FIG4: variants seen among roughly 807,000 people sequenced by gnomAD.
FIG4 encodes polyphosphoinositide phosphatase.
FIG4 carries 112 observed loss-of-function variants against 118.6 expected under a neutral mutation model. The ratio of observed to expected loss-of-function variants is 0.94; its 90% CI spans 0.81 to 1.11. The LOEUF (loss-of-function observed/expected upper bound fraction) is 1.11, where lower values mean the gene tolerates loss of function less well. Among genes scored for constraint, FIG4 ranks in the 50% least tolerant of loss-of-function variants. FIG4 has a pLI of 0.00. For missense variants in FIG4, 969 were observed against 1,111.7 expected (o/e 0.87, Z 1.83); for synonymous variants, 369 against 381.2 (o/e 0.97, Z 0.37).
At chr6:109,772,388 C>T (rs1000287981) in intron 15 of FIG4, among the ~76,000 whole-genome samples, 4 of 152,182 alleles carry the variant, frequency 2.6e-5, no homozygotes, top group Non-Finnish European at 5.9e-5. Flanking sequence ...ACTTTAACTT[C>T]TCATGAACTC....
chr6:109,770,243 T>G (rs955953689), intron 15 of FIG4, among the ~76,000 whole-genome samples: 1 of 152,132 alleles, frequency 6.6e-6, no homozygotes, highest in African/African-American at 2.4e-5. Flanking sequence ...TAAATGCAAA[T>G]TTTTAAGCCT....
intron 3 of FIG4, among the ~76,000 whole-genome samples, chr6:109,717,373 AACTC>A (rs1775466530): frequency 6.6e-6 from 1 of 152,158 alleles, no homozygotes; most frequent in Non-Finnish European, 1.5e-5. Context: ...ATTCTGTAAT[AACTC>A]CTTTACTTTA....
chr6:109,751,386 G>A (rs1409171347), intron 10 of FIG4, among the ~76,000 whole-genome samples: 1 of 152,054 alleles, frequency 6.6e-6, no homozygotes, highest in Non-Finnish European at 1.5e-5. Flanking sequence ...TTTTTTTGTT[G>A]TGTCTCTGCC....
intron 2 of FIG4, 61 bp from the exon 3 acceptor site, chr6:109,716,384 C>G: frequency 6.3e-7 from 1 of 1,585,486 alleles, no homozygotes; most frequent in African/African-American, 1.3e-5. Flanking sequence ...CTTTCAGGCA[C>G]AAATAATAAA....
intron 3 of FIG4, 65 bp from the exon 4 acceptor site, chr6:109,727,044 A>T: frequency 8.2e-7 from 1 of 1,215,252 alleles, no homozygotes; most frequent in Non-Finnish European, 1.2e-6. Context: ...TGGCCTTTTA[A>T]ATAGGCATCT....
chr6:109,703,851 G>A (rs1175081256), intron 1 of FIG4, among the ~76,000 whole-genome samples: 1 of 152,110 alleles, frequency 6.6e-6, no homozygotes, highest in African/African-American at 2.4e-5. Flanking sequence ...CTCGTGCTGG[G>A]GTTTTCTCAT....
At chr6:109,796,202 G>GA (rs1245433834) in intron 21 of FIG4, among the ~76,000 whole-genome samples, 2 of 152,352 alleles carry the variant, frequency 1.3e-5, no homozygotes, top group Non-Finnish European at 2.9e-5. Context: ...AACCTTGGTT[G>GA]AAAGTGTTCC....
At chr6:109,783,131 G>C (rs1055794748) in intron 16 of FIG4, among the ~76,000 whole-genome samples, 6 of 152,198 alleles carry the variant, frequency 3.9e-5, no homozygotes, top group African/African-American at 1.4e-4. Flanking sequence ...AGGGTGGAAG[G>C]GAGAGCATCA....
chr6:109,779,950 G>T (rs555924789), intron 16 of FIG4, among the ~76,000 whole-genome samples: 69 of 152,236 alleles, frequency 4.5e-4, no homozygotes, highest in African/African-American at 1.6e-3. Context: ...GGGTCATTGA[G>T]GCTTAAATGG....
chr6:109,761,213 C>G (rs1170474834), intron 11 of FIG4, among the ~76,000 whole-genome samples: 1 of 152,078 alleles, frequency 6.6e-6, no homozygotes, highest in African/African-American at 2.4e-5. Flanking sequence ...ATTTTTCAAA[C>G]ATAGTCTTGC....
intron 22 of FIG4, among the ~76,000 whole-genome samples, chr6:109,797,796 G>A (rs1778327150): frequency 6.6e-6 from 1 of 151,574 alleles, no homozygotes; most frequent in African/African-American, 2.4e-5. Context: ...CTCAGGAGGT[G>A]GAGACAGGAG....
At chr6:109,730,974 A>G (rs1317845869) in intron 4 of FIG4, among the ~76,000 whole-genome samples, 2 of 152,218 alleles carry the variant, frequency 1.3e-5, no homozygotes, top group African/African-American at 4.8e-5. Context: ...TTTGTAACAT[A>G]TAACAATGAT....
At position 109,701,209 on chromosome 6, in the gene FIG4, C is replaced by T. The variant is rs73535315; in HGVS notation, c.66+9708C>T. The stretch of plus-strand genomic sequence containing the variant: ...TGTAGTTCTAGCTTGTGAGGGTTGG[C>T]CCTTTCCCAAACTAACCTATTCTTT... On this transcript the variant is annotated intron_variant, in intron 1 of 22. Transcript: ENST00000230124. Among the ~76,000 whole-genome samples, 1,236 of 152,230 alleles carry T rather than the reference C, an allele frequency of 8.1e-3. 29 individuals are homozygous for T. Among genetic ancestry groups the T allele is most frequent in the African/African-American group, 0.026 (1,096 of 41,532 alleles).
At chr6:109,695,717 C>T (rs1442647507) in intron 1 of FIG4, among the ~76,000 whole-genome samples, 1 of 152,080 alleles carries the variant, frequency 6.6e-6, no homozygotes, top group African/African-American at 2.4e-5. Context: ...TGTGCTTTGA[C>T]TTTAGGATCA....
At chr6:109,768,926 T>C (rs1777364059) in intron 15 of FIG4, among the ~76,000 whole-genome samples, 1 of 152,112 alleles carries the variant, frequency 6.6e-6, no homozygotes, top group Non-Finnish European at 1.5e-5. Flanking sequence ...GACAGGGCCA[T>C]GCTCCCTCTG....
At chr6:109,691,921 C>T (rs1286807100) in intron 1 of FIG4, among the ~76,000 whole-genome samples, 1 of 152,154 alleles carries the variant, frequency 6.6e-6, no homozygotes, top group Non-Finnish European at 1.5e-5. Flanking sequence ...TTTCCTATTC[C>T]ATGGTATACC....
At chr6:109,771,662 G>T (rs1319168910) in intron 15 of FIG4, among the ~76,000 whole-genome samples, 1 of 151,892 alleles carries the variant, frequency 6.6e-6, no homozygotes, top group Non-Finnish European at 1.5e-5. Flanking sequence ...TAGAGACGGG[G>T]TTTCACCATG....
At chr6:109,801,329 C>T (rs754058379) in intron 22 of FIG4, among the ~76,000 whole-genome samples, 4 of 152,066 alleles carry the variant, frequency 2.6e-5, no homozygotes, top group Non-Finnish European at 4.4e-5. Flanking sequence ...GGGTGGATCA[C>T]CTGAGGTTAG....
At position 109,743,360 on chromosome 6, in the gene FIG4, GGTTTTC is replaced by G; in HGVS notation, c.1039+89_1039+94del. On this transcript the variant is annotated intron_variant, in intron 9 of 22. Coordinates refer to ENST00000230124, the MANE Select transcript of FIG4 (RefSeq NM_014845.6). ...GTCACAGAAATCTCATAAATGCTTA[GGTTTTC>G]AGGAGGTTTTAGTCCTGGAAGGTAG... 5 of 1,346,432 alleles carry G rather than the reference GGTTTTC, an allele frequency of 3.7e-6. 1 individual carries two copies. Among genetic ancestry groups the G allele is most frequent in the Non-Finnish European group, 5.3e-6 (5 of 940,246 alleles). The allele number at this position is 1,346,432 out of a possible 1,614,324, so 83.4% of individuals were successfully genotyped here.
Sources: allele counts gnomAD v4.1 joint callset (sites outside exome capture counted in the v4.1 genomes callset), GRCh38; gene constraint gnomAD v4.1.1; transcripts MANE v1.5; gene names NCBI Gene and HGNC (gene_info 2026-07-23, HGNC 2026-07-21).